The following GREM2 variants were observed in gnomAD, a reference collection of about 807,000 sequenced individuals.
The protein encoded by GREM2 is gremlin-2.
GREM2 carries 11 observed loss-of-function variants against 14.2 expected under a neutral mutation model. The ratio of observed to expected loss-of-function variants is 0.78; its 90% CI spans 0.49 to 1.28. The LOEUF (loss-of-function observed/expected upper bound fraction) is 1.28, where lower values mean the gene tolerates loss of function less well. Ranked by LOEUF, GREM2 falls within the 50% of genes most tolerant of loss-of-function variation. The pLI, the probability that GREM2 is intolerant of heterozygous loss-of-function variation, is 0.00. For missense variants in GREM2, 210 were observed against 218.5 expected, an observed-to-expected ratio of 0.96 and a Z score of 0.24; for synonymous variants, 98 against 97.6, an observed-to-expected ratio of 1.00 and a Z score of -0.02.
chr1:240,499,417 C>A (rs540470722), intron 1 of GREM2, among the ~76,000 whole-genome samples: 1 of 152,322 alleles, frequency 6.6e-6, no homozygotes, highest in South Asian at 2.1e-4. Flanking sequence ...GGCTGAATAG[C>A]TGAATACTGA....
chr1:240,514,800 C>T (rs1418614580), intron 1 of GREM2, among the ~76,000 whole-genome samples: 2 of 151,984 alleles, frequency 1.3e-5, no homozygotes, highest in African/African-American at 4.8e-5. Context: ...CTCAGGAGGC[C>T]GAGGCAGAAG....
At chr1:240,610,082 C>A (rs1364560348) in intron 1 of GREM2, among the ~76,000 whole-genome samples, 2 of 152,104 alleles carry the variant, frequency 1.3e-5, no homozygotes, top group Non-Finnish European at 2.9e-5. Flanking sequence ...CTCACACTCA[C>A]AAAGTTGCTA....
At chr1:240,591,898 C>G (rs956637867) in intron 1 of GREM2, among the ~76,000 whole-genome samples, 4 of 152,106 alleles carry the variant, frequency 2.6e-5, no homozygotes, top group East Asian at 3.8e-4. Context: ...ATAAATGGCT[C>G]TTAATTCTAC....
At chr1:240,595,889 G>A (rs1679811167) in intron 1 of GREM2, among the ~76,000 whole-genome samples, 2 of 152,132 alleles carry the variant, frequency 1.3e-5, no homozygotes, top group Non-Finnish European at 2.9e-5. Flanking sequence ...ACAGAAAAAG[G>A]GCCTACCTTT....
intron 1 of GREM2, among the ~76,000 whole-genome samples, chr1:240,499,210 A>C (rs1358384739): frequency 6.6e-6 from 1 of 152,206 alleles, no homozygotes; most frequent in Non-Finnish European, 1.5e-5. Flanking sequence ...CCTTCCTGAC[A>C]GGCAAATGCA....
intron 1 of GREM2, among the ~76,000 whole-genome samples, 152 bp from the exon 2 acceptor site, chr1:240,493,628 G>T (rs887315657): frequency 2.0e-5 from 3 of 152,020 alleles, no homozygotes; most frequent in Non-Finnish European, 4.4e-5. Flanking sequence ...TCAAACTCTG[G>T]GATCCTCCTG....
At chr1:240,561,170 T>C (rs1350322970) in intron 1 of GREM2, among the ~76,000 whole-genome samples, 1 of 152,194 alleles carries the variant, frequency 6.6e-6, no homozygotes, top group East Asian at 1.9e-4. Flanking sequence ...AGGTTCTACT[T>C]GTGGTTTGTG....
intron 1 of GREM2, among the ~76,000 whole-genome samples, chr1:240,610,111 C>T (rs558390621): frequency 6.6e-6 from 1 of 152,202 alleles, no homozygotes; most frequent in African/African-American, 2.4e-5. Flanking sequence ...CCCAACATTG[C>T]TTTAGAGTTA....
intron 1 of GREM2, among the ~76,000 whole-genome samples, chr1:240,533,747 C>G (rs1194694546): frequency 6.6e-6 from 1 of 152,114 alleles, no homozygotes; most frequent in Non-Finnish European, 1.5e-5. Flanking sequence ...GGTGGTTGAA[C>G]AGATATTGAG....
At chr1:240,611,067 C>T (rs1680123583) in intron 1 of GREM2, among the ~76,000 whole-genome samples, 1 of 101,118 alleles carries the variant, frequency 9.9e-6, no homozygotes, top group Non-Finnish European at 2.2e-5. Flanking sequence ...AAACCCACAC[C>T]TCAAAATAAA....
rs914198139 is a variant in GREM2, at chr1:240,494,720, T to A, written c.-1-1244A>T. ...ATCGAGACCATCCTGGCTAACACGGTGAAACCCTGTCTCTACTAAAAATAC... is the reference window on the plus strand; with the variant it reads ...ATCGAGACCATCCTGGCTAACACGGAGAAACCCTGTCTCTACTAAAAATAC... On this transcript the variant is annotated intron_variant, in intron 1 of 1. Transcript: ENST00000318160. 3.3e-5 allele frequency among the ~76,000 whole-genome samples: 5 copies of A among 152,032 alleles called. No homozygotes were observed. In the South Asian group the frequency reaches 1.0e-3, roughly 32 times the overall value.
chr1:240,496,962 A>G (rs1022029226), intron 1 of GREM2, among the ~76,000 whole-genome samples: 5 of 152,148 alleles, frequency 3.3e-5, no homozygotes, highest in African/African-American at 1.2e-4. Context: ...CAGAGGTTGC[A>G]GTGAGCCAAG....
chr1:240,594,938 T>C (rs1003738581), intron 1 of GREM2, among the ~76,000 whole-genome samples: 10 of 152,192 alleles, frequency 6.6e-5, no homozygotes, highest in Middle Eastern at 3.4e-3. Flanking sequence ...GTGATAAACA[T>C]TTGTGTGATA....
At chr1:240,520,372 C>A (rs567718656) in intron 1 of GREM2, among the ~76,000 whole-genome samples, 19 of 152,252 alleles carry the variant, frequency 1.2e-4, no homozygotes, top group East Asian at 1.9e-4. Context: ...CCACCTCAAC[C>A]TTTACTGTCT....
At chr1:240,505,984 A>T (rs9428847) in intron 1 of GREM2, among the ~76,000 whole-genome samples, 79,212 of 151,676 alleles carry the variant, frequency 0.52, 21,012 homozygotes, top group Middle Eastern at 0.63. Context: ...CCATTTTTTT[A>T]AAAAAAAGAT....
chr1:240,544,314 A>AT (rs1301802289), intron 1 of GREM2, among the ~76,000 whole-genome samples: 1 of 151,826 alleles, frequency 6.6e-6, no homozygotes, highest in African/African-American at 2.4e-5. Context: ...CGCCTGGCTA[A>AT]TTTTTTGTAT....
intron 1 of GREM2, among the ~76,000 whole-genome samples, chr1:240,503,827 A>G (rs1370523670): frequency 6.6e-6 from 1 of 152,180 alleles, no homozygotes; most frequent in African/African-American, 2.4e-5. Context: ...CATATAGCCA[A>G]TAGATGTGGT....
chr1:240,528,272 T>C (rs1678270109), intron 1 of GREM2, among the ~76,000 whole-genome samples: 1 of 152,206 alleles, frequency 6.6e-6, no homozygotes, highest in Admixed American at 6.5e-5. Context: ...TATGGGACTT[T>C]GACTTTTCGT....
At chr1:240,550,266 C>G (rs572053434) in intron 1 of GREM2, 1 of 152,278 alleles carries the variant, frequency 6.6e-6, no homozygotes, top group Non-Finnish European at 1.5e-5. Flanking sequence ...AGGTGATCCA[C>G]CCGCCTCGGC....
Sources: gnomAD v4.1 joint callset for allele counts (sites outside exome capture counted in the v4.1 genomes callset) on GRCh38, gnomAD v4.1.1 for gene constraint, MANE v1.5 for transcripts, NCBI Gene and HGNC (gene_info 2026-07-23, HGNC 2026-07-21) for gene names.